The following CCNE1 variants were observed in gnomAD, a reference collection of about 807,000 sequenced individuals.
CCNE1 encodes G1/S-specific cyclin-E1.
In CCNE1, 8 loss-of-function variants were observed where a neutral mutation model predicts 54.1. The observed-to-expected ratio is 0.15, with a 90% CI of 0.09 to 0.27. The LOEUF is 0.27. CCNE1 is among the 10% of genes least tolerant of loss of function. The pLI, the probability that CCNE1 is intolerant of heterozygous loss-of-function variation, is 1.00. For missense variants in CCNE1, 430 were observed against 514.9 expected (o/e 0.84, Z 1.60); for synonymous variants, 179 against 185.2 (o/e 0.97, Z 0.27).
chr19:29,812,793 C>G lies in CCNE1; in HGVS notation c.111+17C>G. The G allele has an allele frequency of 6.5e-7, 1 of 1,546,776 alleles. No individual in the cohort carries two copies. The highest frequency in any genetic ancestry group is 8.7e-7 in the Non-Finnish European group (1 of 1,152,048). On this transcript the variant is annotated intron_variant, in intron 3 of 11. Coordinates refer to ENST00000262643, the MANE Select transcript of CCNE1 (RefSeq NM_001238.4). ...GTGACCGTTGTGAGTACAAAAGAGA[C>G]AGGTTGGGGAGCATCCCCCCCATCT...
At position 29,821,763 on chromosome 19, in the gene CCNE1, A is replaced by T; in HGVS notation, c.651A>T (p.Thr217=). The T allele has an allele frequency of 6.2e-7, 1 of 1,613,606 alleles. No homozygotes were observed. The highest frequency in any genetic ancestry group is 8.5e-7 in the Non-Finnish European group (1 of 1,179,544). Residue 217 remains threonine (T), a synonymous_variant, in exon 8 of 12, where the codon ACA becomes ACT. Transcript: ENST00000262643. ...AGTTGCACCAGTTTGCGTATGTGAC[A>T]GATGGAGCTTGTTCAGGAGATGAAA... The part of the protein sequence containing the change: ...PPKLHQFAYV[T]DGACSGDEIL...
intron 7 of CCNE1, among the ~76,000 whole-genome samples, chr19:29,821,513 A>G (rs1974143886): frequency 6.6e-6 from 1 of 150,860 alleles, no homozygotes; most frequent in African/African-American, 2.4e-5. Context: ...TCAAAGTTCC[A>G]TCCATTTATT....
At chr19:29,820,316 C>T (rs564308144) in intron 6 of CCNE1, among the ~76,000 whole-genome samples, 65 of 152,214 alleles carry the variant, frequency 4.3e-4, no homozygotes, top group Non-Finnish European at 6.8e-4. Flanking sequence ...TTTGGGAGGC[C>T]GAAGCAGGTG....
In CCNE1 at chr19:29,812,900, CTCT is replaced by C. The variant is rs1461036419; in HGVS notation, c.112-62_112-60del. ...CGGAGCTCATAACCTGATCAGCTTT[CTCT>C]TCTTCTCTCTGTTTTTGTCTTGTTT... On this transcript the variant is annotated intron_variant, in intron 3 of 11. Coordinates refer to ENST00000262643, the MANE Select transcript of CCNE1 (RefSeq NM_001238.4). The C allele has an allele frequency of 2.0e-4, 317 of 1,602,356 alleles. 3 individuals carry two copies. The South Asian group carries it at 2.2e-3, about 11-fold the overall frequency.
Position 29,812,769 on chromosome 19 carries a change from T to G in CCNE1, c.104T>G (p.Val35Gly). 2 of 1,590,640 alleles carry G rather than the reference T, an allele frequency of 1.3e-6. No homozygotes were observed. Among genetic ancestry groups the G allele is most frequent in the South Asian group, 2.3e-5 (2 of 87,390 alleles). Residue 35 changes from valine to glycine, a missense_variant, in exon 3 of 12, where the codon GTG (valine) becomes GGG (glycine). Val to Gly is a moderately radical substitution (Grantham distance 109). Transcript: ENST00000262643. ...SARSRKRKAN[V>G]TVFLQDPDEE... is the part of the protein sequence containing the mutation. ...CGCTCCAGGAAGAGGAAGGCAAACG[T>G]GACCGTTGTGAGTACAAAAGAGACA... is the stretch of plus-strand genomic sequence containing the variant.
chr19:29,824,004 A>C lies in CCNE1; in HGVS notation c.*227A>C. On this transcript the variant is annotated 3_prime_UTR_variant, in exon 12 of 12. Coordinates refer to ENST00000262643, the MANE Select transcript of CCNE1 (RefSeq NM_001238.4). ...GGTCAAGTACACCAGCCACCTCCAGACACCAGTGCGTGCTCCCGATGCTGC... is the reference window on the plus strand; with the variant it reads ...GGTCAAGTACACCAGCCACCTCCAGCCACCAGTGCGTGCTCCCGATGCTGC... 2.3e-6 allele frequency: 1 copy of C among 429,982 alleles called. No individual in the cohort carries two copies. The highest frequency in any genetic ancestry group is 4.1e-6 in the Non-Finnish European group (1 of 243,240). The allele number at this position is 429,982 out of a possible 1,614,324, so 26.6% of individuals were successfully genotyped here.
chr19:29,823,187 GA>G (rs1342045765), intron 11 of CCNE1, among the ~76,000 whole-genome samples: 1 of 152,092 alleles, frequency 6.6e-6, no homozygotes, highest in Non-Finnish European at 1.5e-5. Flanking sequence ...AAGGCAGAAG[GA>G]CTGCTTAAGC....
In CCNE1 at chr19:29,823,891, CT is replaced by C; in HGVS notation, c.*116del. The stretch of plus-strand genomic sequence containing the variant: ...CAGATATCTGAATGGAAGAGTGTTT[CT>C]TCCACAACAGAAGTATTTCTGTGGA... On this transcript the variant is annotated 3_prime_UTR_variant, in exon 12 of 12. Coordinates refer to ENST00000262643, the MANE Select transcript of CCNE1 (RefSeq NM_001238.4). 8.7e-7 allele frequency: 1 copy of C among 1,148,602 alleles called. No homozygotes were observed. The highest frequency in any genetic ancestry group is 1.2e-6 in the Non-Finnish European group (1 of 833,074). The allele number at this position is 1,148,602 out of a possible 1,614,324, so 71.2% of individuals were successfully genotyped here.
chr19:29,814,878 C>T (rs1042523326), intron 4 of CCNE1, among the ~76,000 whole-genome samples: 1 of 152,132 alleles, frequency 6.6e-6, no homozygotes, highest in African/African-American at 2.4e-5. Flanking sequence ...TTTTTTTGCA[C>T]AAGACTCAAT....
intron 4 of CCNE1, among the ~76,000 whole-genome samples, chr19:29,815,517 C>T (rs1273656329): frequency 6.6e-6 from 1 of 152,128 alleles, no homozygotes; most frequent in Non-Finnish European, 1.5e-5. Flanking sequence ...TGGTCGCCAC[C>T]ATGTGCTGTG....
At chr19:29,819,029 C>T (rs936597880) in intron 6 of CCNE1, among the ~76,000 whole-genome samples, 1 of 151,844 alleles carries the variant, frequency 6.6e-6, no homozygotes, top group Non-Finnish European at 1.5e-5. Flanking sequence ...TCCCAAAGTG[C>T]TGGGATTACA....
intron 4 of CCNE1, among the ~76,000 whole-genome samples, chr19:29,814,519 A>T (rs967347138): frequency 6.6e-6 from 1 of 152,216 alleles, no homozygotes; most frequent in Admixed American, 6.5e-5. Context: ...TTATCCAGAG[A>T]TTAATGGCGA....
At chr19:29,820,024 C>G (rs1365282109) in intron 6 of CCNE1, among the ~76,000 whole-genome samples, 1 of 152,236 alleles carries the variant, frequency 6.6e-6, no homozygotes, top group Non-Finnish European at 1.5e-5. Flanking sequence ...TTTGGCATTT[C>G]CAAATAGCCA....
chr19:29,823,970 A>C lies in CCNE1; in HGVS notation c.*193A>C. ...TATTGAATGCTTATAGGTTTTTTTTAAATAAGTGGGTCAAGTACACCAGCC... is the reference window on the plus strand; with the variant it reads ...TATTGAATGCTTATAGGTTTTTTTTCAATAAGTGGGTCAAGTACACCAGCC... On this transcript the variant is annotated 3_prime_UTR_variant, in exon 12 of 12. Transcript: ENST00000262643. The C allele has an allele frequency of 1.9e-6, 1 of 533,518 alleles. No individual in the cohort carries two copies. The highest frequency in any genetic ancestry group is 3.0e-6 in the Non-Finnish European group (1 of 327,994). The allele number at this position is 533,518 out of a possible 1,614,324, so 33.0% of individuals were successfully genotyped here. A position where few individuals can be genotyped will look rare whatever the true frequency, so the allele number is the denominator to read the frequency against.
chr19:29,821,729 A>C lies in CCNE1; in HGVS notation c.617A>C (p.Tyr206Ser). ...TCTTTTATTTCCTTTCAGGAAATCT[A>C]TCCTCCAAAGTTGCACCAGTTTGCG... is the stretch of plus-strand genomic sequence containing the variant. ...LFIAAKLEEI[Y>S]PPKLHQFAYV... The change falls in exon 8 of 12, where the codon TAT becomes TCT. Residue 206 changes from tyrosine to serine, a missense_variant. Coordinates refer to ENST00000262643, the MANE Select transcript of CCNE1 (RefSeq NM_001238.4). The C allele has an allele frequency of 6.2e-7, 1 of 1,602,890 alleles. No homozygotes were observed. The highest frequency in any genetic ancestry group is 8.5e-7 in the Non-Finnish European group (1 of 1,169,986).
rs1158848844 is a variant in CCNE1 at position 29,812,829 on chromosome 19, CCCGACTTGGCTCTGCCTACGGGGGCGGGG to C, written c.111+54_111+82del. 1.9e-6 allele frequency: 3 copies of C among 1,585,354 alleles called. No individual in the cohort carries two copies. The African/African-American group carries it at 4.0e-5, about 21-fold the overall frequency. ...GCATCCCCCCCATCTCACCTGGGTA[CCCGACTTGGCTCTGCCTACGGGGGCGGGG>C]GTCCCTTGGGCAGGAACGGAGCTCA... On this transcript the variant is annotated intron_variant, in intron 3 of 11. Coordinates refer to ENST00000262643, the MANE Select transcript of CCNE1 (RefSeq NM_001238.4).
rs762884762 is a variant in CCNE1, at chr19:29,817,292, G to A, written c.326+10G>A. 81 of 1,614,008 alleles carry A rather than the reference G, an allele frequency of 5.0e-5. No individual in the cohort carries two copies. The highest frequency in any genetic ancestry group is 1.0e-4 in the Admixed American group (6 of 60,002). The stretch of plus-strand genomic sequence containing the variant: ...CGCTGCCTGTACTGAGGTCAGTGCC[G>A]ACTCTGCCACATGGCTTCCAGGTCT... On this transcript the variant is annotated intron_variant, in intron 5 of 11. Coordinates refer to ENST00000262643, the MANE Select transcript of CCNE1 (RefSeq NM_001238.4).
At chr19:29,815,565 C>T (rs141845567) in intron 4 of CCNE1, among the ~76,000 whole-genome samples, 1 of 149,258 alleles carries the variant, frequency 6.7e-6, no homozygotes, top group South Asian at 2.1e-4. Flanking sequence ...TTTCCACTTT[C>T]ATTTATAGTG....
At chr19:29,813,350 T>G in intron 4 of CCNE1, 1 of 190,460 alleles carries the variant, frequency 5.3e-6, no homozygotes, top group Non-Finnish European at 1.2e-5. Flanking sequence ...TGAGACTCAG[T>G]TAGAGGAAGA....
Sources: allele counts gnomAD v4.1 joint callset (sites outside exome capture counted in the v4.1 genomes callset), GRCh38; gene constraint gnomAD v4.1.1; transcripts MANE v1.5; gene names NCBI Gene and HGNC (gene_info 2026-07-23, HGNC 2026-07-21).